IL1RAPL1: variants seen among roughly 807,000 people sequenced by gnomAD.
IL1RAPL1 encodes the protein interleukin 1 receptor accessory protein like 1.
IL1RAPL1 carries 3 observed loss-of-function variants against 48.4 expected under a neutral mutation model. That is an observed-to-expected ratio of 0.06 (90% CI 0.03 to 0.16). The LOEUF (loss-of-function observed/expected upper bound fraction) is 0.16, where lower values mean the gene tolerates loss of function less well. Among genes scored for constraint, IL1RAPL1 ranks in the 10% least tolerant of loss-of-function variants. The probability of loss-of-function intolerance (pLI) is 1.00; values close to 1 mark genes in which losing one functional copy is unlikely to be tolerated. For missense variants in IL1RAPL1, 349 were observed against 530.6 expected (o/e 0.66, Z 3.36); for synonymous variants, 185 against 187.7 (o/e 0.99, Z 0.12).
intron 2 of IL1RAPL1, among the ~76,000 whole-genome samples, chrX:29,121,714 C>T (rs1928790151): frequency 9.0e-6 from 1 of 111,630 alleles, no homozygotes; most frequent in Admixed American, 9.6e-5. Flanking sequence ...TCAGATAATC[C>T]ACAATAATCT....
At chrX:29,209,841 T>C (rs956324734) in intron 2 of IL1RAPL1, among the ~76,000 whole-genome samples, 3 of 112,402 alleles carry the variant, frequency 2.7e-5, no homozygotes, top group African/African-American at 9.7e-5. Flanking sequence ...TTGCTGCTGC[T>C]GTCTACCCTA....
rs186209600 is a variant in IL1RAPL1 at position 29,153,781 on chromosome X, G to A, written c.83-129157G>A. On this transcript the variant is annotated intron_variant, in intron 2 of 10. Coordinates refer to ENST00000378993, the MANE Select transcript of IL1RAPL1 (RefSeq NM_014271.4). Reference sequence around the variant, plus strand: ...ATGGAACTCTTTGTCATAGAGTGTGGATATTATATTTGTACTTGATTCTAA... The same window carrying A: ...ATGGAACTCTTTGTCATAGAGTGTGAATATTATATTTGTACTTGATTCTAA... 5.3e-5 allele frequency among the ~76,000 whole-genome samples: 6 copies of A among 112,213 alleles called. No homozygotes were observed. The East Asian group carries it at 1.7e-3, about 31-fold the overall frequency.
At chrX:29,766,358 TATATAGATAG>T (rs1204286509) in intron 6 of IL1RAPL1, among the ~76,000 whole-genome samples, 5,145 of 80,602 alleles carry the variant, frequency 0.064, 235 homozygotes, top group Middle Eastern at 0.19. Context: ...TATATATATA[TATATAGATAG>T]ATAGATAGAT....
intron 2 of IL1RAPL1, among the ~76,000 whole-genome samples, chrX:29,182,415 A>C (rs1354678219): frequency 8.9e-6 from 1 of 112,165 alleles, no homozygotes; most frequent in Non-Finnish European, 1.9e-5. Context: ...ATTTTCTAAA[A>C]TGGTAAAAAA....
intron 9 of IL1RAPL1, among the ~76,000 whole-genome samples, chrX:29,949,842 C>G (rs1933282763): frequency 8.9e-6 from 1 of 111,917 alleles, no homozygotes; most frequent in Non-Finnish European, 1.9e-5. Context: ...GATGCATATA[C>G]AGTTGGTAAT....
chrX:29,756,409 T>C (rs906044977), intron 6 of IL1RAPL1, among the ~76,000 whole-genome samples: 3 of 111,650 alleles, frequency 2.7e-5, no homozygotes, highest in African/African-American at 9.8e-5. Context: ...AATAAGCATA[T>C]ATCACCTTTC....
chrX:29,841,213 A>G (rs983753219), intron 6 of IL1RAPL1, among the ~76,000 whole-genome samples: 12 of 112,197 alleles, frequency 1.1e-4, no homozygotes, highest in Admixed American at 7.6e-4. Context: ...ATATTTAATC[A>G]TAGAAGCTCA....
At chrX:29,083,508 G>A (rs1055215427) in intron 2 of IL1RAPL1, among the ~76,000 whole-genome samples, 14 of 111,537 alleles carry the variant, frequency 1.3e-4, no homozygotes, top group African/African-American at 4.6e-4. Flanking sequence ...TACTGTGAAG[G>A]GTCAGAAGTT....
chrX:29,703,428 C>T (rs182899475), intron 6 of IL1RAPL1, among the ~76,000 whole-genome samples: 41 of 110,749 alleles, frequency 3.7e-4, no homozygotes, highest in African/African-American at 1.3e-3. Flanking sequence ...CTGCAAGCTC[C>T]GCCTCCCGGG....
chrX:29,366,599 C>G (rs749098077), intron 3 of IL1RAPL1, among the ~76,000 whole-genome samples: 63 of 72,255 alleles, frequency 8.7e-4, no homozygotes, highest in Non-Finnish European at 9.1e-4. Context: ...GACAGAGTCT[C>G]GCTCTGTCGC....
intron 3 of IL1RAPL1, among the ~76,000 whole-genome samples, chrX:29,346,715 C>A (rs956703183): frequency 8.9e-6 from 1 of 112,080 alleles, no homozygotes; most frequent in Non-Finnish European, 1.9e-5. Flanking sequence ...TGTGATATAT[C>A]CTCTTGATCC....
At chrX:29,019,979 G>A (rs1326036539) in intron 2 of IL1RAPL1, among the ~76,000 whole-genome samples, 2 of 112,237 alleles carry the variant, frequency 1.8e-5, no homozygotes, top group Admixed American at 9.5e-5. Context: ...AAATCCATGA[G>A]TTCAGGTGTC....
intron 2 of IL1RAPL1, among the ~76,000 whole-genome samples, chrX:28,899,332 A>G (rs748030909): frequency 9.0e-6 from 1 of 111,148 alleles, no homozygotes; most frequent in East Asian, 2.9e-4. Context: ...TAATTTTTGT[A>G]TTTTTTGTAG....
chrX:29,332,211 C>A (rs1932893212), intron 3 of IL1RAPL1, among the ~76,000 whole-genome samples: 1 of 71,766 alleles, frequency 1.4e-5, no homozygotes, highest in African/African-American at 5.2e-5. Flanking sequence ...CTTCTCTCTT[C>A]CTGACTGGGG....
At chrX:29,039,794 A>G (rs2147415666) in intron 2 of IL1RAPL1, among the ~76,000 whole-genome samples, 1 of 109,403 alleles carries the variant, frequency 9.1e-6, no homozygotes, top group Admixed American at 9.8e-5. Flanking sequence ...TCAAAAAAAA[A>G]AAAAAAAAAA....
At chrX:29,372,446 C>T (rs1024574734) in intron 3 of IL1RAPL1, among the ~76,000 whole-genome samples, 6 of 111,681 alleles carry the variant, frequency 5.4e-5, no homozygotes, top group South Asian at 3.7e-4. Context: ...TTTTTGGTTT[C>T]GTTGCAATTG....
chrX:29,862,169 A>T (rs2147204415), intron 6 of IL1RAPL1, among the ~76,000 whole-genome samples: 1 of 111,714 alleles, frequency 9.0e-6, no homozygotes, highest in African/African-American at 3.2e-5. Flanking sequence ...CAAAAAAAAA[A>T]AAAAAATAAG....
intron 6 of IL1RAPL1, among the ~76,000 whole-genome samples, chrX:29,835,435 C>T (rs906006314): frequency 8.9e-6 from 1 of 111,898 alleles, no homozygotes; most frequent in Non-Finnish European, 1.9e-5. Context: ...ACGATTTTTG[C>T]ACCTATGTTT....
rs1404116130 is a variant in IL1RAPL1, at chrX:29,941,794, G to A, written c.1201G>A (p.Asp401Asn). 1.7e-6 allele frequency: 2 copies of A among 1,204,496 alleles called. No individual in the cohort carries two copies. The highest frequency in any genetic ancestry group is 2.2e-6 in the Non-Finnish European group (2 of 889,328). ...TTTTGGAGCTGAAGAGCTCGATGGAGGTAGGATGTTACCTCTTTTATTGTT... is the reference window on the plus strand; with the variant it reads ...TTTTGGAGCTGAAGAGCTCGATGGAAGTAGGATGTTACCTCTTTTATTGTT... Reference protein sequence around the residue: ...NHFGAEELDGDNKDYDAYLSY... With the variant: ...NHFGAEELDGNNKDYDAYLSY... Residue 401 changes from aspartate (D) to asparagine (N), a missense_variant and splice_region_variant, in exon 9 of 11, where the codon GAC becomes AAC. Physicochemically the swap from Asp to Asn is conservative, Grantham distance 23 (BLOSUM62 1). Coordinates refer to ENST00000378993, the MANE Select transcript of IL1RAPL1 (RefSeq NM_014271.4).
Sources: gnomAD v4.1 joint callset for allele counts (sites outside exome capture counted in the v4.1 genomes callset) on GRCh38, gnomAD v4.1.1 for gene constraint, MANE v1.5 for transcripts, NCBI Gene and HGNC (gene_info 2026-07-23, HGNC 2026-07-21) for gene names.